The following SAP30BP variants were observed in gnomAD, a reference collection of about 807,000 sequenced individuals.
The protein encoded by SAP30BP is SAP30 binding protein.
A neutral mutation model predicts 46.3 loss-of-function variants in SAP30BP; 31 were observed. The observed-to-expected ratio is 0.67, with a 90% CI of 0.50 to 0.90. The LOEUF is 0.90. SAP30BP is among the 40% of genes least tolerant of loss of function. SAP30BP has a pLI of 0.00. For missense variants in SAP30BP, 312 were observed against 391.0 expected, an observed-to-expected ratio of 0.80 and a Z score of 1.70; for synonymous variants, 169 against 144.2, an observed-to-expected ratio of 1.17 and a Z score of -1.23.
At chr17:75,692,309 C>A in intron 3 of SAP30BP, 1 of 985,496 alleles carries the variant, frequency 1.0e-6, no homozygotes, top group Non-Finnish European at 1.2e-6. Flanking sequence ...GTAAGTGGAG[C>A]CTGCGGAGCT....
Position 75,706,323 on chromosome 17 carries a change from T to G in SAP30BP, c.746-17T>G. On this transcript the variant is annotated splice_polypyrimidine_tract_variant and intron_variant, in intron 10 of 10. Coordinates refer to ENST00000584667, the MANE Select transcript of SAP30BP (RefSeq NM_013260.8). This position sits in a 1 kb window ranked among gnomAD's most constrained non-coding sequence, Gnocchi z 4.6. ...CTCATTGGTGGATCGTGATCCTGAT[T>G]TCTGCTTTATCTCCAGATGCTCAGA... 1 of 1,610,488 alleles carries G rather than the reference T, an allele frequency of 6.2e-7. No individual in the cohort carries two copies. Among genetic ancestry groups the G allele is most frequent in the Non-Finnish European group, 8.5e-7 (1 of 1,178,998 alleles).
chr17:75,669,612 A>G (rs1266553279), intron 2 of SAP30BP, among the ~76,000 whole-genome samples: 4 of 152,074 alleles, frequency 2.6e-5, no homozygotes, highest in Admixed American at 1.3e-4. Context: ...TCTGGTTTCA[A>G]ACTTCTGGCC....
intron 5 of SAP30BP, among the ~76,000 whole-genome samples, chr17:75,701,506 G>A (rs752310319): frequency 1.8e-4 from 28 of 152,156 alleles, no homozygotes; most frequent in Non-Finnish European, 3.2e-4. Context: ...CCCCCGAGGT[G>A]GTTCTCCACT....
chr17:75,690,574 C>G, intron 3 of SAP30BP: 1 of 416,796 alleles, frequency 2.4e-6, no homozygotes. Flanking sequence ...CCACCTCAGC[C>G]TCTCAAAGTG....
intron 2 of SAP30BP, among the ~76,000 whole-genome samples, chr17:75,671,218 G>T (rs2059903106): frequency 6.6e-6 from 1 of 152,192 alleles, no homozygotes; most frequent in South Asian, 2.1e-4. Flanking sequence ...GAAAGGTTGG[G>T]CATTGCCCTT....
intron 2 of SAP30BP, 72 bp from the exon 3 acceptor site, chr17:75,671,744 C>T: frequency 8.4e-7 from 1 of 1,184,082 alleles, no homozygotes; most frequent in Non-Finnish European, 1.3e-6. Flanking sequence ...TTGCTCCGGC[C>T]CCTAGTTATG....
At chr17:75,685,785 C>T (rs1055729518) in intron 3 of SAP30BP, among the ~76,000 whole-genome samples, 1 of 152,152 alleles carries the variant, frequency 6.6e-6, no homozygotes, top group African/African-American at 2.4e-5. Flanking sequence ...CTGTCCTGGC[C>T]TCACCACCAA....
At chr17:75,699,746 T>G in intron 4 of SAP30BP, 37 bp from the exon 5 acceptor site, 1 of 1,444,482 alleles carries the variant, frequency 6.9e-7, no homozygotes, top group Non-Finnish European at 9.7e-7. Context: ...CTTGTTCTAA[T>G]CCCCACCTAC....
At chr17:75,699,282 C>T (rs879631092) in intron 4 of SAP30BP, among the ~76,000 whole-genome samples, 23 of 152,280 alleles carry the variant, frequency 1.5e-4, no homozygotes, top group Admixed American at 1.1e-3. Flanking sequence ...TGGCTCACTG[C>T]AGCCACCACC....
chr17:75,677,180 A>G (rs2060003819), intron 3 of SAP30BP, among the ~76,000 whole-genome samples: 1 of 139,056 alleles, frequency 7.2e-6, no homozygotes, highest in Non-Finnish European at 1.5e-5. Context: ...ATCTCGGCTC[A>G]CTGCAACCTC....
In SAP30BP at chr17:75,700,069, C is replaced by T. The variant is rs1377702436; in HGVS notation, c.396+198C>T. On this transcript the variant is annotated intron_variant, in intron 5 of 10. Transcript: ENST00000584667. ...CTCAGGAGTTGGCTCCTACACCCAC[C>T]GCCATGTCCCGTGGTGCTGCTCCAG... 1.4e-5 allele frequency: 6 copies of T among 428,474 alleles called. No homozygotes were observed. In the East Asian group the frequency reaches 1.9e-4, roughly 14 times the overall value. The allele number at this position is 428,474 out of a possible 1,614,324, so 26.5% of individuals were successfully genotyped here.
chr17:75,691,816 A>C (rs1418514179), intron 3 of SAP30BP: 1 of 259,402 alleles, frequency 3.9e-6, no homozygotes, highest in Non-Finnish European at 7.7e-6. Flanking sequence ...TAGAGGGAAA[A>C]TGTGAGGGCA....
At chr17:75,704,727 C>A (rs370572102) in intron 8 of SAP30BP, 29 bp from the exon 9 acceptor site, 4 of 1,600,502 alleles carry the variant, frequency 2.5e-6, no homozygotes, top group Non-Finnish European at 3.4e-6. Context: ...CGGGGGCCAC[C>A]TTTGTAACAG....
chr17:75,679,841 C>G (rs1040593089), intron 3 of SAP30BP: 17 of 152,236 alleles, frequency 1.1e-4, no homozygotes, highest in African/African-American at 4.1e-4. Context: ...GGGCCAGCAC[C>G]TCACTCCGGG....
At chr17:75,671,920 T>C in intron 3 of SAP30BP, 57 bp downstream of exon 3, 1 of 1,353,030 alleles carries the variant, frequency 7.4e-7, no homozygotes, top group Non-Finnish European at 1.1e-6. Flanking sequence ...TTGAACACTG[T>C]GGCTCAGTTC....
intron 4 of SAP30BP, among the ~76,000 whole-genome samples, chr17:75,699,333 A>G (rs891833955): frequency 7.9e-5 from 12 of 152,052 alleles, no homozygotes; most frequent in African/African-American, 2.7e-4. Context: ...AGCTGGGTTT[A>G]CAGGCATGCA....
chr17:75,680,475 G>T (rs751842815), intron 3 of SAP30BP, among the ~76,000 whole-genome samples: 2 of 152,198 alleles, frequency 1.3e-5, no homozygotes, highest in African/African-American at 4.8e-5. Flanking sequence ...GGAACCACAG[G>T]CCTGTAACTT....
intron 4 of SAP30BP, among the ~76,000 whole-genome samples, chr17:75,696,547 T>TA (rs1181756216): frequency 8.7e-4 from 117 of 134,778 alleles, no homozygotes; most frequent in Middle Eastern, 3.7e-3. Flanking sequence ...CCATCTCAAT[T>TA]AAAAAAAAAA....
chr17:75,682,786 ACCC>A (rs111389196), intron 3 of SAP30BP, among the ~76,000 whole-genome samples: 1 of 150,748 alleles, frequency 6.6e-6, no homozygotes, highest in South Asian at 2.1e-4. Context: ...ACATAGTGAA[ACCC>A]CCATCTCTAC....
Sources: allele counts gnomAD v4.1 joint callset (sites outside exome capture counted in the v4.1 genomes callset), GRCh38; gene constraint gnomAD v4.1.1; non-coding constraint Gnocchi (gnomAD v3.1); transcripts MANE v1.5; gene names NCBI Gene and HGNC (gene_info 2026-07-23, HGNC 2026-07-21).